The following METAP1D variants were observed in gnomAD, a reference collection of about 807,000 sequenced individuals.
The protein encoded by METAP1D is methionine aminopeptidase 1D, mitochondrial.
Under a neutral mutation model 40.5 loss-of-function variants are expected in METAP1D, and 31 were observed. The observed-to-expected ratio is 0.77, with a 90% CI of 0.58 to 1.03. The LOEUF (loss-of-function observed/expected upper bound fraction) is 1.03, where lower values mean the gene tolerates loss of function less well. Ranked by LOEUF, METAP1D falls within the 50% of genes least tolerant of loss-of-function variation. The probability of loss-of-function intolerance (pLI) is 0.00; values close to 1 mark genes in which losing one functional copy is unlikely to be tolerated. For missense variants in METAP1D, 411 were observed against 420.7 expected (o/e 0.98, Z 0.20); for synonymous variants, 151 against 146.4 (o/e 1.03, Z -0.22).
At chr2:172,031,246 A>G (rs1048149174) in intron 1 of METAP1D, among the ~76,000 whole-genome samples, 5 of 152,198 alleles carry the variant, frequency 3.3e-5, no homozygotes, top group Admixed American at 6.5e-5. Context: ...AATAGGAGTT[A>G]TCACTCTGGG....
intron 8 of METAP1D, 47 bp downstream of exon 8, chr2:172,079,309 G>A (rs772583862): frequency 2.4e-5 from 38 of 1,602,504 alleles, no homozygotes; most frequent in Non-Finnish European, 3.1e-5. Context: ...CCTGGTGGAA[G>A]CTTTTGCCAC....
At chr2:172,061,826 A>G in intron 2 of METAP1D, 171 bp downstream of exon 2, 1 of 470,448 alleles carries the variant, frequency 2.1e-6, no homozygotes, top group Admixed American at 3.8e-5. Context: ...CTGCAATTCT[A>G]TAGCATTAAT....
At chr2:172,027,800 C>A (rs1037281113) in intron 1 of METAP1D, among the ~76,000 whole-genome samples, 8 of 152,230 alleles carry the variant, frequency 5.3e-5, no homozygotes, top group Middle Eastern at 3.2e-3. Flanking sequence ...AATTTACTCT[C>A]TACCTTCTGT....
intron 1 of METAP1D, among the ~76,000 whole-genome samples, chr2:172,055,324 A>G (rs1192397033): frequency 6.6e-6 from 1 of 152,232 alleles, no homozygotes; most frequent in Non-Finnish European, 1.5e-5. Context: ...AGGTATCAGC[A>G]GTGCTTTTGT....
chr2:172,025,997 CA>C lies in METAP1D; in HGVS notation c.40+25991del. ...AAGATATATGATGGTTAAACCTTAC[CA>C]AATTTGAGAGTAATTTCTTAGTATC... is the stretch of plus-strand genomic sequence containing the variant. On this transcript the variant is annotated intron_variant, in intron 1 of 9. Coordinates refer to ENST00000315796, the MANE Select transcript of METAP1D (RefSeq NM_199227.3). 1.3e-5 allele frequency among the ~76,000 whole-genome samples: 2 copies of C among 152,084 alleles called. 1 individual carries two copies. Among genetic ancestry groups the C allele is most frequent in the Non-Finnish European group, 2.9e-5 (2 of 68,028 alleles).
chr2:172,071,034 C>G lies in METAP1D; in HGVS notation c.668C>G (p.Ala223Gly), dbSNP rs1364350756. Residue 223 changes from alanine (A) to glycine (G), a missense_variant, in exon 6 of 10, where the codon GCA (alanine) becomes GGA (glycine). Coordinates refer to ENST00000315796, the MANE Select transcript of METAP1D (RefSeq NM_199227.3). ...CRDEAIAACRAGAPFSVIGNT... is the reference protein window; with the variant it reads ...CRDEAIAACRGGAPFSVIGNT... ...GATGAAGCAATTGCAGCTTGCAGAGCAGGGGCTCCCTTCTCTGTAATTGGA... is the reference window on the plus strand; with the variant it reads ...GATGAAGCAATTGCAGCTTGCAGAGGAGGGGCTCCCTTCTCTGTAATTGGA... The G allele has an allele frequency of 2.5e-6, 4 of 1,612,184 alleles. No individual in the cohort carries two copies. The highest frequency in any genetic ancestry group is 1.7e-5 in the Admixed American group (1 of 59,864).
At position 172,042,473 on chromosome 2, in the gene METAP1D, A is replaced by G. The variant is rs188129007; in HGVS notation, c.41-19025A>G. 1.0e-4 allele frequency among the ~76,000 whole-genome samples: 5 copies of G among 49,234 alleles called. 2 individuals are homozygous for G. The highest frequency in any genetic ancestry group is 1.6e-4 in the African/African-American group (2 of 12,560). 32.3% of individuals were successfully genotyped at this position (49,234 alleles called of 152,430 possible). A position where few individuals can be genotyped will look rare whatever the true frequency, so the allele number is the denominator to read the frequency against. ...TGCGTACATATATACATATATACAT[A>G]TGTGTGTGTACATGTGTACATATAT... On this transcript the variant is annotated intron_variant, in intron 1 of 9. Transcript: ENST00000315796.
intron 1 of METAP1D, among the ~76,000 whole-genome samples, chr2:172,031,280 G>A (rs907703283): frequency 6.6e-5 from 10 of 152,124 alleles, no homozygotes; most frequent in Non-Finnish European, 1.0e-4. Context: ...GCTTTAGAAG[G>A]AATGAGTTGG....
At chr2:172,033,819 C>T (rs926404381) in intron 1 of METAP1D, among the ~76,000 whole-genome samples, 8 of 151,104 alleles carry the variant, frequency 5.3e-5, no homozygotes, top group Admixed American at 1.3e-4. Context: ...TGGTGGCTCA[C>T]GGCCTCCAGC....
intron 1 of METAP1D, among the ~76,000 whole-genome samples, chr2:172,040,163 G>C (rs910025631): frequency 6.6e-6 from 1 of 151,350 alleles, no homozygotes; most frequent in Non-Finnish European, 1.5e-5. Flanking sequence ...TCACCATGTT[G>C]GCCAGGCTGG....
chr2:172,003,859 G>A (rs1288403490), intron 1 of METAP1D, among the ~76,000 whole-genome samples: 1 of 151,670 alleles, frequency 6.6e-6, no homozygotes, highest in African/African-American at 2.4e-5. Flanking sequence ...CTGCCTCCCG[G>A]GTTGAAGTGA....
intron 1 of METAP1D, among the ~76,000 whole-genome samples, chr2:172,060,195 C>T (rs1312379820): frequency 2.6e-5 from 4 of 152,052 alleles, no homozygotes; most frequent in Non-Finnish European, 1.5e-5. Context: ...GTGGGAGGAT[C>T]GCTTGAGCCC....
At chr2:172,077,964 C>T in intron 7 of METAP1D, 70 bp downstream of exon 7, 1 of 782,454 alleles carries the variant, frequency 1.3e-6, no homozygotes. Context: ...CCCTGAAGCT[C>T]TTCCTCTGAC....
intron 1 of METAP1D, among the ~76,000 whole-genome samples, chr2:172,010,316 A>G (rs562687212): frequency 4.0e-5 from 6 of 150,590 alleles, no homozygotes; most frequent in Admixed American, 6.6e-5. Context: ...AATTTTTTGC[A>G]TTTTTTGTAG....
intron 9 of METAP1D, 53 bp from the exon 10 acceptor site, chr2:172,080,275 T>C (rs1348102331): frequency 6.2e-7 from 1 of 1,613,874 alleles, no homozygotes; most frequent in African/African-American, 1.3e-5. Context: ...GGCGCGCTTG[T>C]GGCCCGGCCG....
At chr2:172,042,066 G>T (rs1689545217) in intron 1 of METAP1D, among the ~76,000 whole-genome samples, 1 of 124,610 alleles carries the variant, frequency 8.0e-6, no homozygotes, top group Non-Finnish European at 1.9e-5. Flanking sequence ...CTTCCAAAGT[G>T]CTGGGATTAC....
chr2:172,061,567 G>T lies in METAP1D; in HGVS notation c.110G>T (p.Arg37Ile), dbSNP rs1690142766. Residue 37 changes from arginine (R) to isoleucine (I), a missense_variant, in exon 2 of 10, where the codon AGA becomes ATA. Coordinates refer to ENST00000315796, the MANE Select transcript of METAP1D (RefSeq NM_199227.3). ...YLHKQSSSQQ[R>I]RNFFFRRQRD... ...CACAAGCAGTCAAGCAGTCAACAAAGAAGAAATTTCTTTTTTCGGAGACAA... is the reference window on the plus strand; with the variant it reads ...CACAAGCAGTCAAGCAGTCAACAAATAAGAAATTTCTTTTTTCGGAGACAA... The T allele has an allele frequency of 1.9e-6, 3 of 1,613,722 alleles. No individual in the cohort carries two copies. The highest frequency in any genetic ancestry group is 2.5e-6 in the Non-Finnish European group (3 of 1,179,838).
At chr2:172,033,543 G>C (rs1259597463) in intron 1 of METAP1D, among the ~76,000 whole-genome samples, 1 of 151,610 alleles carries the variant, frequency 6.6e-6, no homozygotes, top group South Asian at 2.1e-4. Context: ...TTTTAGAGAG[G>C]CAAGGTTTCA....
chr2:172,005,267 G>A (rs1688551724), intron 1 of METAP1D, among the ~76,000 whole-genome samples: 1 of 151,852 alleles, frequency 6.6e-6, no homozygotes, highest in Non-Finnish European at 1.5e-5. Flanking sequence ...CATCACCCAA[G>A]CAGTGTACAT....
Sources: allele counts gnomAD v4.1 joint callset (sites outside exome capture counted in the v4.1 genomes callset), GRCh38; gene constraint gnomAD v4.1.1; transcripts MANE v1.5; gene names NCBI Gene and HGNC (gene_info 2026-07-23, HGNC 2026-07-21).